ERP44: variants seen among roughly 807,000 people sequenced by gnomAD.
ERP44 encodes the protein endoplasmic reticulum resident protein 44.
ERP44 carries 25 observed loss-of-function variants against 53.4 expected under a neutral mutation model. That is an observed-to-expected ratio of 0.47 (90% confidence interval 0.34 to 0.65). ERP44 has a LOEUF of 0.65. Among genes scored for constraint, ERP44 ranks in the 30% least tolerant of loss-of-function variants. The pLI is 0.01. For synonymous variants in ERP44, 145 were observed against 161.2 expected (o/e 0.90, Z 0.76); for missense variants, 338 against 493.2 (o/e 0.69, Z 2.98).
intron 8 of ERP44, among the ~76,000 whole-genome samples, chr9:100,009,135 G>A (rs139530231): frequency 7.9e-5 from 12 of 151,916 alleles, no homozygotes; most frequent in African/African-American, 2.4e-4. Context: ...TTTTTGAGAC[G>A]GAGTCTCACT....
chr9:100,092,383 AC>A (rs1341270373), intron 1 of ERP44, among the ~76,000 whole-genome samples: 2 of 152,218 alleles, frequency 1.3e-5, no homozygotes, highest in African/African-American at 4.8e-5. Context: ...CTAAAGGAAT[AC>A]CCTTTTGTAG....
intron 4 of ERP44, among the ~76,000 whole-genome samples, chr9:100,034,969 TG>T (rs1324875223): frequency 6.6e-6 from 1 of 152,048 alleles, no homozygotes; most frequent in Admixed American, 6.6e-5. Flanking sequence ...AAATAAGCAA[TG>T]GAAGAAGACT....
chr9:100,009,218 TCTC>T (rs1830447954), intron 8 of ERP44, among the ~76,000 whole-genome samples: 3 of 151,882 alleles, frequency 2.0e-5, no homozygotes, highest in Admixed American at 2.0e-4. Context: ...TTCAAACGAT[TCTC>T]CTGTCTCAGC....
rs548318236 is a variant in ERP44, at chr9:100,058,759, A to G, written c.131-900T>C. On this transcript the variant is annotated intron_variant, in intron 2 of 11. Coordinates refer to ENST00000262455, the MANE Select transcript of ERP44 (RefSeq NM_015051.3). The stretch of plus-strand genomic sequence containing the variant: ...TGCTTTTTGCCTATCCCTAATTCAG[A>G]GAAACGTAAAGTCCTCAAGCACTCA... Among the ~76,000 whole-genome samples, 10 of 152,400 alleles carry G rather than the reference A, an allele frequency of 6.6e-5. 1 individual carries two copies. The South Asian group carries it at 2.1e-3, about 32-fold the overall frequency.
intron 10 of ERP44, among the ~76,000 whole-genome samples, chr9:99,998,094 T>G (rs1587957468): frequency 1.3e-5 from 2 of 152,234 alleles, no homozygotes; most frequent in South Asian, 4.1e-4. Context: ...ACAGGAATGG[T>G]TAAAATCCGT....
intron 8 of ERP44, among the ~76,000 whole-genome samples, chr9:100,014,822 CCT>C (rs1830512604): frequency 6.6e-6 from 1 of 152,176 alleles, no homozygotes; most frequent in South Asian, 2.1e-4. Flanking sequence ...AATTGTCCAC[CCT>C]CTCTCTTAGT....
intron 4 of ERP44, among the ~76,000 whole-genome samples, chr9:100,040,226 A>G (rs1414636203): frequency 6.6e-6 from 1 of 152,186 alleles, no homozygotes; most frequent in African/African-American, 2.4e-5. Context: ...CACACAAGGA[A>G]AACTACAGGC....
At chr9:99,988,964 G>T (rs1830224437) in intron 10 of ERP44, among the ~76,000 whole-genome samples, 2 of 152,252 alleles carry the variant, frequency 1.3e-5, no homozygotes, top group South Asian at 4.1e-4. Flanking sequence ...GAACTGCGAG[G>T]TGGCAGCCTG....
chr9:100,048,541 TC>T (rs1284451633), intron 4 of ERP44, among the ~76,000 whole-genome samples: 1 of 152,134 alleles, frequency 6.6e-6, no homozygotes, highest in African/African-American at 2.4e-5. Context: ...CTGGGAACTT[TC>T]TTTAAAGGTC....
chr9:100,041,359 G>A (rs1348188019), intron 4 of ERP44, among the ~76,000 whole-genome samples: 1 of 152,036 alleles, frequency 6.6e-6, no homozygotes. Flanking sequence ...AACCAAAACA[G>A]CATGATACTG....
chr9:100,006,670 G>C, intron 9 of ERP44, 23 bp from the exon 10 acceptor site: 4 of 1,519,130 alleles, frequency 2.6e-6, no homozygotes, highest in Non-Finnish European at 3.6e-6. Context: ...AGAATTTTGA[G>C]AGGTAAATTC....
intron 4 of ERP44, among the ~76,000 whole-genome samples, chr9:100,046,012 A>G (rs922139677): frequency 6.6e-6 from 1 of 152,214 alleles, no homozygotes; most frequent in Non-Finnish European, 1.5e-5. Context: ...AAGTTTTAGT[A>G]TATAGGGTCA....
chr9:100,068,481 C>G (rs1311215448), intron 1 of ERP44, among the ~76,000 whole-genome samples: 3 of 136,324 alleles, frequency 2.2e-5, no homozygotes, highest in Non-Finnish European at 4.8e-5. Flanking sequence ...AAGTGAGGAG[C>G]CCCTCTGCCC....
intron 3 of ERP44, among the ~76,000 whole-genome samples, chr9:100,054,806 T>A (rs1408296192): frequency 6.6e-6 from 1 of 152,190 alleles, no homozygotes; most frequent in Non-Finnish European, 1.5e-5. Flanking sequence ...TTCAATTCCA[T>A]AATTACTGTA....
intron 5 of ERP44, among the ~76,000 whole-genome samples, chr9:100,021,050 T>C (rs1830583586): frequency 6.6e-6 from 1 of 152,208 alleles, no homozygotes; most frequent in Non-Finnish European, 1.5e-5. Context: ...GTTAAAACAA[T>C]GTATCAATCA....
chr9:100,060,229 A>G (rs1341945695), intron 1 of ERP44, 57 bp from the exon 2 acceptor site: 13 of 1,362,242 alleles, frequency 9.5e-6, no homozygotes, highest in Non-Finnish European at 1.2e-5. Flanking sequence ...CAAATACGTA[A>G]AAGCGAAGTC....
At chr9:100,094,423 C>T (rs969152650) in intron 1 of ERP44, among the ~76,000 whole-genome samples, 4 of 151,972 alleles carry the variant, frequency 2.6e-5, no homozygotes, top group Admixed American at 2.0e-4. Flanking sequence ...TTTGGGAGGC[C>T]AAGGCGGGCA....
chr9:99,991,371 A>C (rs2118606756), intron 10 of ERP44, among the ~76,000 whole-genome samples: 2 of 152,336 alleles, frequency 1.3e-5, no homozygotes, highest in South Asian at 4.1e-4. Context: ...TTCACTCAAA[A>C]CCACACAACT....
intron 4 of ERP44, among the ~76,000 whole-genome samples, chr9:100,040,599 T>A (rs1166343963): frequency 6.6e-6 from 1 of 152,070 alleles, no homozygotes. Flanking sequence ...CCTCTAAGAT[T>A]TGGAATACAA....
Sources: gnomAD v4.1 joint callset for allele counts (sites outside exome capture counted in the v4.1 genomes callset) on GRCh38, gnomAD v4.1.1 for gene constraint, MANE v1.5 for transcripts, NCBI Gene and HGNC (gene_info 2026-07-23, HGNC 2026-07-21) for gene names.